Variants in NTRK2 observed in about 807,000 individuals in gnomAD.
The protein encoded by NTRK2 is BDNF/NT-3 growth factors receptor.
Under a neutral mutation model 94.5 loss-of-function variants are expected in NTRK2, and 13 were observed. The observed-to-expected ratio is 0.14, with a 90% CI of 0.09 to 0.22. NTRK2 has a LOEUF of 0.22. NTRK2 is among the 10% of genes least tolerant of loss of function. The probability of loss-of-function intolerance (pLI) is 1.00; values close to 1 mark genes in which losing one functional copy is unlikely to be tolerated. For synonymous variants in NTRK2, 372 were observed against 407.4 expected (o/e 0.91, Z 1.05); for missense variants, 639 against 1,071.2 (o/e 0.60, Z 5.63).
chr9:84,889,223 C>T (rs1466393977), intron 14 of NTRK2, among the ~76,000 whole-genome samples: 1 of 149,700 alleles, frequency 6.7e-6, no homozygotes, highest in African/African-American at 2.4e-5. Flanking sequence ...ATCTCCTGAC[C>T]TCGTGATCCG....
intron 14 of NTRK2, among the ~76,000 whole-genome samples, chr9:84,915,405 C>CT (rs1206509906): frequency 7.2e-5 from 11 of 152,174 alleles, no homozygotes; most frequent in African/African-American, 1.9e-4. Flanking sequence ...AGTTCTCACA[C>CT]TTTTAGTTCT....
intron 12 of NTRK2, among the ~76,000 whole-genome samples, chr9:84,850,874 G>A (rs945114988): frequency 5.9e-5 from 9 of 152,210 alleles, no homozygotes; most frequent in Non-Finnish European, 2.9e-5. Context: ...GGTCACTAGG[G>A]AGGAGAACAT....
At position 85,024,456 on chromosome 9, in the gene NTRK2, T is replaced by C. The variant is rs79044740; in HGVS notation, c.*3019T>C. 2.8e-3 allele frequency: 658 copies of C among 232,966 alleles called. 4 individuals carry two copies. The highest frequency in any genetic ancestry group is 0.013 in the African/African-American group (605 of 45,482). The allele number at this position is 232,966 out of a possible 1,614,324, so 14.4% of individuals were successfully genotyped here. A position where few individuals can be genotyped will look rare whatever the true frequency, so the allele number is the denominator to read the frequency against. On this transcript the variant is annotated 3_prime_UTR_variant, in exon 19 of 19. Coordinates refer to ENST00000277120, the MANE Select transcript of NTRK2 (RefSeq NM_006180.6). ...TGAATAGTTTTCCAAACACTTTCCA[T>C]GTGTGTTAGCAAATTATTCCTATTT...
chr9:84,795,398 A>G (rs1231940536), intron 12 of NTRK2, among the ~76,000 whole-genome samples: 1 of 152,188 alleles, frequency 6.6e-6, no homozygotes, highest in African/African-American at 2.4e-5. Flanking sequence ...TTTTGGGGAC[A>G]GAGGAACTAT....
chr9:84,753,809 G>T (rs767648743), intron 12 of NTRK2, among the ~76,000 whole-genome samples: 2 of 152,146 alleles, frequency 1.3e-5, no homozygotes, highest in Admixed American at 6.5e-5. Flanking sequence ...GTCTTGAAGG[G>T]TTTAGTTTGA....
intron 2 of NTRK2, among the ~76,000 whole-genome samples, chr9:84,672,795 T>G (rs968566118): frequency 6.6e-6 from 1 of 152,226 alleles, no homozygotes; most frequent in Admixed American, 6.5e-5. Context: ...GCCTGATGTA[T>G]ATGAAATCAA....
chr9:84,986,427 G>A (rs1263875184), intron 17 of NTRK2, among the ~76,000 whole-genome samples: 3 of 152,134 alleles, frequency 2.0e-5, no homozygotes, highest in Non-Finnish European at 2.9e-5. Context: ...TTCACAGTAG[G>A]GTTTGTGCTT....
chr9:84,899,171 C>T (rs1465246556), intron 14 of NTRK2, among the ~76,000 whole-genome samples: 2 of 152,134 alleles, frequency 1.3e-5, no homozygotes, highest in Non-Finnish European at 2.9e-5. Flanking sequence ...TGAATGTCTC[C>T]TTAGCCATAT....
At chr9:84,864,061 C>T (rs989332218) in intron 13 of NTRK2, among the ~76,000 whole-genome samples, 5 of 152,126 alleles carry the variant, frequency 3.3e-5, no homozygotes, top group East Asian at 1.9e-4. Context: ...GTGAGGGCTT[C>T]GCTGTGTACT....
At chr9:84,855,911 A>G (rs2075041414) in intron 12 of NTRK2, among the ~76,000 whole-genome samples, 1 of 152,194 alleles carries the variant, frequency 6.6e-6, no homozygotes, top group Non-Finnish European at 1.5e-5. Context: ...TTAATAGGCA[A>G]GGCCTGGAAG....
At chr9:84,670,082 C>A (rs1195362198) in intron 1 of NTRK2, among the ~76,000 whole-genome samples, 194 bp downstream of exon 1, 2 of 152,184 alleles carry the variant, frequency 1.3e-5, no homozygotes, top group South Asian at 4.2e-4. Flanking sequence ...CTCCGCATTC[C>A]CCTTTAAAGG....
intron 17 of NTRK2, among the ~76,000 whole-genome samples, chr9:84,997,712 A>G (rs1176840403): frequency 2.6e-5 from 4 of 152,204 alleles, no homozygotes; most frequent in Non-Finnish European, 4.4e-5. Context: ...ACAGCAGAGC[A>G]AATTTGGAAA....
rs77712731 is a variant in NTRK2 at position 84,699,296 on chromosome 9, A to T, written c.213-2863A>T. On this transcript the variant is annotated intron_variant, in intron 2 of 18. Coordinates refer to ENST00000277120, the MANE Select transcript of NTRK2 (RefSeq NM_006180.6). ...CGTGATCCGCCCGACTTGGCCTCCCAAAGTGCTAGGATTACAGGCGTGAGG... is the reference window on the plus strand; with the variant it reads ...CGTGATCCGCCCGACTTGGCCTCCCTAAGTGCTAGGATTACAGGCGTGAGG... 3.0e-3 allele frequency among the ~76,000 whole-genome samples: 455 copies of T among 152,298 alleles called. 15 individuals carry two copies. The East Asian group carries it at 0.066, about 22-fold the overall frequency.
At position 85,023,366 on chromosome 9, in the gene NTRK2, GT is replaced by G. The variant is rs1832876594; in HGVS notation, c.*1933del. The G allele has an allele frequency of 8.6e-6, 2 of 232,360 alleles. No individual in the cohort carries two copies. Among genetic ancestry groups the G allele is most frequent in the Admixed American group, 1.1e-4 (2 of 17,750 alleles). The allele number at this position is 232,360 out of a possible 1,614,324, so 14.4% of individuals were successfully genotyped here. A position where few individuals can be genotyped will look rare whatever the true frequency, so the allele number is the denominator to read the frequency against. Reference sequence around the variant, plus strand: ...TGAAGGTGCGATAGCTCTGTTTTAGGTTTTGCTTGCGCCTGTTAATTACTGG... The same window carrying G: ...TGAAGGTGCGATAGCTCTGTTTTAGGTTTGCTTGCGCCTGTTAATTACTGG... On this transcript the variant is annotated 3_prime_UTR_variant, in exon 19 of 19. Coordinates refer to ENST00000277120, the MANE Select transcript of NTRK2 (RefSeq NM_006180.6).
chr9:84,982,529 T>C (rs986538566), intron 17 of NTRK2, among the ~76,000 whole-genome samples: 4 of 152,236 alleles, frequency 2.6e-5, no homozygotes, highest in Non-Finnish European at 5.9e-5. Flanking sequence ...CTCTCTTCTA[T>C]ATGCCAACTA....
intron 6 of NTRK2, among the ~76,000 whole-genome samples, chr9:84,719,594 AGGTGGGT>A (rs1003320069): frequency 3.3e-5 from 5 of 152,136 alleles, no homozygotes; most frequent in African/African-American, 1.2e-4. Flanking sequence ...TGAAATGCCA[AGGTGGGT>A]GTCTTTAGGC....
At chr9:84,687,566 A>G (rs943223019) in intron 2 of NTRK2, among the ~76,000 whole-genome samples, 2 of 152,290 alleles carry the variant, frequency 1.3e-5, no homozygotes, top group African/African-American at 4.8e-5. Context: ...TGTGGTCATT[A>G]CCATCCTTTG....
chr9:84,673,191 A>T (rs2058810137), intron 2 of NTRK2, among the ~76,000 whole-genome samples: 2 of 152,278 alleles, frequency 1.3e-5, no homozygotes, highest in South Asian at 4.1e-4. Context: ...GTATGACAAT[A>T]CTTCTTTGGA....
chr9:85,009,746 T>G (rs1055150662), intron 17 of NTRK2, among the ~76,000 whole-genome samples: 5 of 152,156 alleles, frequency 3.3e-5, no homozygotes. Flanking sequence ...GTGTTACATA[T>G]ATCAGAGATA....
Sources: gnomAD v4.1 joint callset for allele counts (sites outside exome capture counted in the v4.1 genomes callset) on GRCh38, gnomAD v4.1.1 for gene constraint, MANE v1.5 for transcripts, NCBI Gene and HGNC (gene_info 2026-07-23, HGNC 2026-07-21) for gene names.